The following VILL variants were observed in gnomAD, a reference collection of about 807,000 sequenced individuals.
The protein encoded by VILL is villin-like protein.
In VILL, 102 loss-of-function variants were observed where a neutral mutation model predicts 106.3. That is an observed-to-expected ratio of 0.96 (90% CI 0.82 to 1.13). VILL has a LOEUF of 1.13. Ranked by LOEUF, VILL falls within the 50% of genes most tolerant of loss-of-function variation. The probability of loss-of-function intolerance (pLI) is 0.00; values close to 1 mark genes in which losing one functional copy is unlikely to be tolerated. For synonymous variants in VILL, 431 were observed against 440.3 expected, an observed-to-expected ratio of 0.98 and a Z score of 0.27; for missense variants, 1,076 against 1,116.6, an observed-to-expected ratio of 0.96 and a Z score of 0.52.
Position 37,999,469 on chromosome 3 carries a change from A to T in VILL, c.1182+30A>T, listed in dbSNP as rs914794681. The T allele has an allele frequency of 3.5e-6, 5 of 1,444,736 alleles. No individual in the cohort carries two copies. The African/African-American group carries it at 4.5e-5, about 13-fold the overall frequency. 89.5% of individuals were successfully genotyped at this position (1,444,736 alleles called of 1,614,324 possible). A position where few individuals can be genotyped will look rare whatever the true frequency, so the allele number is the denominator to read the frequency against. On this transcript the variant is annotated intron_variant, in intron 11 of 19. Coordinates refer to ENST00000383759, the MANE Select transcript of VILL (RefSeq NM_015873.4). ...GGGGTACTGGGTTAGCTGGGGGAAG[A>T]TGGGCACACGGAGGTAAGCTTTGCC...
rs1228387244 is a variant in VILL at position 37,998,774 on chromosome 3, C to A, written c.943-138C>A. On this transcript the variant is annotated intron_variant, in intron 9 of 19. Coordinates refer to ENST00000383759, the MANE Select transcript of VILL (RefSeq NM_015873.4). The surrounding 1 kb of genome is among the most constrained non-coding windows in gnomAD (Gnocchi z 4.1). ...TCAGAGAAGTCGGTGGTGACAGAGT[C>A]AATTCGCTAAGTGGGTCATGAGCTC... 7.1e-7 allele frequency: 1 copy of A among 1,402,356 alleles called. No individual in the cohort carries two copies. The highest frequency in any genetic ancestry group is 9.4e-7 in the Non-Finnish European group (1 of 1,068,910). 86.9% of individuals were successfully genotyped at this position (1,402,356 alleles called of 1,614,324 possible). A position where few individuals can be genotyped will look rare whatever the true frequency, so the allele number is the denominator to read the frequency against.
At chr3:38,003,536 G>A in intron 15 of VILL, 2 of 569,018 alleles carry the variant, frequency 3.5e-6, no homozygotes, top group Non-Finnish European at 3.0e-6. Flanking sequence ...GGGCAGTGGC[G>A]ACCTCTGCTG....
chr3:38,003,590 C>T (rs1575339709), intron 15 of VILL: 1 of 442,364 alleles, frequency 2.3e-6, no homozygotes, highest in East Asian at 4.2e-5. Flanking sequence ...GGCCAGGGGA[C>T]AAAGCACCCT....
At chr3:38,004,020 T>C (rs1385420275) in intron 15 of VILL, 1 of 460,892 alleles carries the variant, frequency 2.2e-6, no homozygotes, top group Non-Finnish European at 3.8e-6. Context: ...CCTAGGGAAA[T>C]TCATGGGGCA....
intron 5 of VILL, among the ~76,000 whole-genome samples, chr3:37,996,612 G>C (rs1472742307): frequency 6.6e-6 from 1 of 152,112 alleles, no homozygotes; most frequent in Non-Finnish European, 1.5e-5. Flanking sequence ...GTCACCCACA[G>C]ACCCAGTGAC....
In VILL at chr3:37,998,086, C is replaced by T. The variant is rs1269557153; in HGVS notation, c.765-4C>T. 1.2e-6 allele frequency: 2 copies of T among 1,605,576 alleles called. No individual in the cohort carries two copies. Among genetic ancestry groups the T allele is most frequent in the African/African-American group, 1.3e-5 (1 of 74,544 alleles). ...TGGCCACTCCTGGGTTCCTGTCCCC[C>T]CAGTGTCTATGAGAAGGGCAAAGAC... On this transcript the variant is annotated splice_region_variant and splice_polypyrimidine_tract_variant and intron_variant, in intron 7 of 19. Transcript: ENST00000383759. This position sits in a 1 kb window ranked among gnomAD's most constrained non-coding sequence, Gnocchi z 4.1.
intron 4 of VILL, among the ~76,000 whole-genome samples, chr3:37,994,939 T>G (rs1317004234): frequency 6.6e-6 from 1 of 152,282 alleles, no homozygotes; most frequent in African/African-American, 2.4e-5. Flanking sequence ...TTCTTTTTAT[T>G]ACCAAGTAAT....
chr3:38,007,097 A>G lies in VILL; in HGVS notation c.*42A>G, dbSNP rs377352884. On this transcript the variant is annotated 3_prime_UTR_variant, in exon 20 of 20. Coordinates refer to ENST00000383759, the MANE Select transcript of VILL (RefSeq NM_015873.4). The stretch of plus-strand genomic sequence containing the variant: ...CTGCCCCTATCCCCTGGACCCCAAC[A>G]TACCTACAATGCTGGGGAGGCCCTG... 21 of 1,514,850 alleles carry G rather than the reference A, an allele frequency of 1.4e-5. No individual in the cohort carries two copies. The highest frequency in any genetic ancestry group is 3.7e-4 in the Middle Eastern group (2 of 5,426). The allele number at this position is 1,514,850 out of a possible 1,614,324, so 93.8% of individuals were successfully genotyped here.
chr3:38,007,010 C>G lies in VILL; in HGVS notation c.2526C>G (p.Ala842=), dbSNP rs1408618140. Residue 842 remains alanine (A), a synonymous_variant, in exon 20 of 20, where the codon GCC becomes GCG. Transcript: ENST00000383759. ...CCAAGGAGGAATTCTACAGCATGGC[C>G]ACGTGGAGGCAGCGGCAGGAGAAAA... ...GKSKEEFYSM[A]TWRQRQEKKQ... 1 of 1,614,120 alleles carries G rather than the reference C, an allele frequency of 6.2e-7. No homozygotes were observed. The highest frequency in any genetic ancestry group is 8.5e-7 in the Non-Finnish European group (1 of 1,180,016).
Position 37,997,052 on chromosome 3 carries a change from C to G in VILL, c.451-25C>G. On this transcript the variant is annotated intron_variant, in intron 5 of 19. Coordinates refer to ENST00000383759, the MANE Select transcript of VILL (RefSeq NM_015873.4). The surrounding 1 kb of genome is among the most constrained non-coding windows in gnomAD (Gnocchi z 4.7). ...TAGCGGATGCTGGTGGTATGACACT[C>G]TGTCTCTCTCCCTGGCTCTGGCAGG... is the stretch of plus-strand genomic sequence containing the variant. The G allele has an allele frequency of 6.2e-7, 1 of 1,605,274 alleles. No individual in the cohort carries two copies. The highest frequency in any genetic ancestry group is 8.5e-7 in the Non-Finnish European group (1 of 1,172,252).
At position 37,997,372 on chromosome 3, in the gene VILL, G is replaced by A; in HGVS notation, c.562-111G>A. On this transcript the variant is annotated intron_variant, in intron 6 of 19. Transcript: ENST00000383759. The surrounding 1 kb of genome is among the most constrained non-coding windows in gnomAD (Gnocchi z 4.7). ...GTCCCCCTGGATGCCAGGATGAGGG[G>A]ACATCAGCCCTTCTCCCCATCAGCC... is the stretch of plus-strand genomic sequence containing the variant. 1.6e-6 allele frequency: 2 copies of A among 1,272,362 alleles called. No homozygotes were observed. Among genetic ancestry groups the A allele is most frequent in the Non-Finnish European group, 2.2e-6 (2 of 904,568 alleles). The allele number at this position is 1,272,362 out of a possible 1,614,324, so 78.8% of individuals were successfully genotyped here.
At chr3:38,000,867 C>G in intron 11 of VILL, 4 of 456,702 alleles carry the variant, frequency 8.8e-6, no homozygotes, top group South Asian at 6.2e-5. Context: ...GTCATCATCC[C>G]CAATATACAG....
Position 37,993,744 on chromosome 3 carries a change from G to T in VILL, c.60+12G>T. On this transcript the variant is annotated intron_variant, in intron 2 of 19. Coordinates refer to ENST00000383759, the MANE Select transcript of VILL (RefSeq NM_015873.4). ...TATGGATCTCTGAGGTGAGAGGCAC[G>T]ACCAAATAGGAGAGTTGGTGACATG... The T allele has an allele frequency of 6.2e-7, 1 of 1,613,882 alleles. No individual in the cohort carries two copies. Among genetic ancestry groups the T allele is most frequent in the South Asian group, 1.1e-5 (1 of 91,018 alleles).
chr3:38,000,379 C>G (rs1699790306), intron 11 of VILL, among the ~76,000 whole-genome samples: 1 of 149,608 alleles, frequency 6.7e-6, no homozygotes, highest in African/African-American at 2.5e-5. Context: ...GAAGAAAAGA[C>G]TGGGAAGGAC....
Position 37,997,509 on chromosome 3 carries a change from G to C in VILL, c.588G>C (p.Arg196=), listed in dbSNP as rs761878476. The part of the protein sequence containing the change: ...ARGLALTYSL[R]DRERGGGRAQ... Reference sequence around the variant, plus strand: ...GGCTGGCTTTGACCTACAGCCTCCGGGACAGGGAACGTGGTGGTGGTCGTG... The same window carrying C: ...GGCTGGCTTTGACCTACAGCCTCCGCGACAGGGAACGTGGTGGTGGTCGTG... The change falls in exon 7 of 20, where the codon CGG becomes CGC. Residue 196 remains arginine (R), a synonymous_variant. Transcript: ENST00000383759. This position sits in a 1 kb window ranked among gnomAD's most constrained non-coding sequence, Gnocchi z 4.7. 3.7e-6 allele frequency: 6 copies of C among 1,613,892 alleles called. No individual in the cohort carries two copies. The South Asian group carries it at 5.5e-5, about 15-fold the overall frequency.
chr3:37,999,314 C>T (rs1212286293), intron 10 of VILL, 25 bp from the exon 11 acceptor site: 2 of 1,487,712 alleles, frequency 1.3e-6, no homozygotes, highest in African/African-American at 2.9e-5. Context: ...GAGGGCGCCA[C>T]TGACGCCTAC....
In VILL at chr3:37,990,943, G is replaced by T. The variant is rs985863214; in HGVS notation, c.-87+114G>T. ...GGGTCCCAGGGCTCAGGGCCACAGA[G>T]CCTCCGCGGCAGAATTGGGAGGCGG... On this transcript the variant is annotated intron_variant, in intron 1 of 19. Coordinates refer to ENST00000383759, the MANE Select transcript of VILL (RefSeq NM_015873.4). The surrounding 1 kb of genome is among the most constrained non-coding windows in gnomAD (Gnocchi z 5.1). 1 of 152,388 alleles carries T rather than the reference G, an allele frequency of 6.6e-6. No individual in the cohort carries two copies. Among genetic ancestry groups the T allele is most frequent in the African/African-American group, 2.4e-5 (1 of 41,464 alleles). 9.4% of individuals were successfully genotyped at this position (152,388 alleles called of 1,614,324 possible). A position where few individuals can be genotyped will look rare whatever the true frequency, so the allele number is the denominator to read the frequency against.
Position 38,001,458 on chromosome 3 carries a change from G to T in VILL, c.1185G>T (p.Val395=). Residue 395 remains valine (V), a splice_region_variant and synonymous_variant, in exon 12 of 20, where the codon GTG becomes GTT. Coordinates refer to ENST00000383759, the MANE Select transcript of VILL (RefSeq NM_015873.4). ...CCCATTGGTCCCTTATTCCCCAGGT[G>T]TGGTGCATCCAGGACTTACACAGGC... ...MVDDGSGKVE[V]WCIQDLHRQP... 1 of 1,614,040 alleles carries T rather than the reference G, an allele frequency of 6.2e-7. No homozygotes were observed. The highest frequency in any genetic ancestry group is 1.1e-5 in the South Asian group (1 of 91,078).
rs748260631 is a variant in VILL at position 37,998,207 on chromosome 3, C to A, written c.843+39C>A. 1.1e-4 allele frequency: 173 copies of A among 1,613,732 alleles called. 1 individual carries two copies. The highest frequency in any genetic ancestry group is 1.4e-4 in the Non-Finnish European group (165 of 1,179,782). ...GGCCCCAGCTACTTGCATCCTTCCC[C>A]ATCCACAACCCCAGCCCAGTCTGGA... On this transcript the variant is annotated intron_variant, in intron 8 of 19. Coordinates refer to ENST00000383759, the MANE Select transcript of VILL (RefSeq NM_015873.4). The surrounding 1 kb of genome is among the most constrained non-coding windows in gnomAD (Gnocchi z 4.1).
Sources: gnomAD v4.1 joint callset for allele counts (sites outside exome capture counted in the v4.1 genomes callset) on GRCh38, gnomAD v4.1.1 for gene constraint, Gnocchi (gnomAD v3.1) non-coding constraint, MANE v1.5 for transcripts, NCBI Gene and HGNC (gene_info 2026-07-23, HGNC 2026-07-21) for gene names.